The following KLHL1 variants were observed in gnomAD, a reference collection of about 807,000 sequenced individuals.
The protein encoded by KLHL1 is kelch like family member 1.
In KLHL1, 47 loss-of-function variants were observed where a neutral mutation model predicts 77.7. The ratio of observed to expected loss-of-function variants is 0.60; its 90% CI spans 0.48 to 0.77. The LOEUF is 0.77. Among genes scored for constraint, KLHL1 ranks in the 30% least tolerant of loss-of-function variants. The probability of loss-of-function intolerance (pLI) is 0.00; values close to 1 mark genes in which losing one functional copy is unlikely to be tolerated. For synonymous variants in KLHL1, 360 were observed against 325.2 expected, an observed-to-expected ratio of 1.11 and a Z score of -1.15; for missense variants, 925 against 910.8, an observed-to-expected ratio of 1.02 and a Z score of -0.20.
rs2137464648 is a variant in KLHL1, at chr13:70,108,375, G to GA, written c.-677dup. The GA allele has an allele frequency of 5.0e-6, 1 of 198,896 alleles. No homozygotes were observed. Among genetic ancestry groups the GA allele is most frequent in the East Asian group, 1.2e-4 (1 of 8,438 alleles). The allele number at this position is 198,896 out of a possible 1,614,324, so 12.3% of individuals were successfully genotyped here. ...TTTTATATAGTCAGTTTGTAAAAGA[G>GA]AAAAATAGATATTCTAGCGCATATA... On this transcript the variant is annotated 5_prime_UTR_variant, in exon 1 of 11. Transcript: ENST00000377844.
At chr13:69,847,772 A>G (rs1237590114) in intron 5 of KLHL1, among the ~76,000 whole-genome samples, 3 of 151,542 alleles carry the variant, frequency 2.0e-5, no homozygotes, top group Admixed American at 6.6e-5. Flanking sequence ...TCTATAAAAC[A>G]AAATTGATTC....
In KLHL1 at chr13:69,994,530, A is replaced by G. The variant is rs568909056; in HGVS notation, c.498-18728T>C. ...GGCTTACTCCTTCTATTTATGCCCAAAGGGAAAATCACAAGTTCTGCACTT... is the reference window on the plus strand; with the variant it reads ...GGCTTACTCCTTCTATTTATGCCCAGAGGGAAAATCACAAGTTCTGCACTT... On this transcript the variant is annotated intron_variant, in intron 1 of 10. Coordinates refer to ENST00000377844, the MANE Select transcript of KLHL1 (RefSeq NM_020866.3). Among the ~76,000 whole-genome samples the G allele has an allele frequency of 2.0e-5, 3 of 152,256 alleles. No individual in the cohort carries two copies. The South Asian group carries it at 6.2e-4, about 32-fold the overall frequency.
intron 5 of KLHL1, among the ~76,000 whole-genome samples, chr13:69,841,199 T>C (rs1472836655): frequency 6.6e-6 from 1 of 151,148 alleles, no homozygotes; most frequent in Non-Finnish European, 1.5e-5. Context: ...CAACATAGTA[T>C]TGGAAGTCTT....
chr13:69,816,427 A>AT (rs111470171), intron 6 of KLHL1, among the ~76,000 whole-genome samples: 1,477 of 147,192 alleles, frequency 0.01, 23 homozygotes, highest in African/African-American at 0.034. Flanking sequence ...CGCCTGGCTA[A>AT]TTTTTTTTTT....
chr13:69,926,782 C>T (rs151145059), intron 4 of KLHL1, among the ~76,000 whole-genome samples: 2,903 of 151,250 alleles, frequency 0.019, 39 homozygotes, highest in Middle Eastern at 0.054. Context: ...CCCGTCTCTA[C>T]TAAAAATACA....
At chr13:69,900,780 T>A (rs1881827159) in intron 4 of KLHL1, among the ~76,000 whole-genome samples, 1 of 152,218 alleles carries the variant, frequency 6.6e-6, no homozygotes, top group South Asian at 2.1e-4. Flanking sequence ...CAGCTCTACA[T>A]CACAGTAGTT....
At chr13:69,742,195 C>G (rs1026940073) in intron 7 of KLHL1, among the ~76,000 whole-genome samples, 2 of 152,116 alleles carry the variant, frequency 1.3e-5, no homozygotes, top group Non-Finnish European at 2.9e-5. Flanking sequence ...TAGAAAAGAA[C>G]TATAATTTAT....
intron 3 of KLHL1, among the ~76,000 whole-genome samples, chr13:69,940,829 T>G (rs1883343951): frequency 6.7e-6 from 1 of 150,102 alleles, no homozygotes; most frequent in Non-Finnish European, 1.5e-5. Context: ...CTTTAGTGCT[T>G]TAGTGTTTCC....
At chr13:70,102,317 T>C (rs537063104) in intron 1 of KLHL1, among the ~76,000 whole-genome samples, 1 of 152,176 alleles carries the variant, frequency 6.6e-6, no homozygotes, top group Non-Finnish European at 1.5e-5. Flanking sequence ...TTCTTTCCAT[T>C]TCTAGGTTAT....
At position 69,841,292 on chromosome 13, in the gene KLHL1, T is replaced by A. The variant is rs968138152; in HGVS notation, c.1228-2130A>T. On this transcript the variant is annotated intron_variant, in intron 5 of 10. Coordinates refer to ENST00000377844, the MANE Select transcript of KLHL1 (RefSeq NM_020866.3). ...AGTCAAGTTTCTCCTGTTTACTGAT[T>A]ATATAGTCTTATATCTAGAAAAACC... 2.0e-5 allele frequency among the ~76,000 whole-genome samples: 3 copies of A among 151,860 alleles called. No homozygotes were observed. In the East Asian group the frequency reaches 5.8e-4, roughly 29 times the overall value.
At chr13:69,843,791 G>T (rs1263868287) in intron 5 of KLHL1, among the ~76,000 whole-genome samples, 1 of 151,558 alleles carries the variant, frequency 6.6e-6, no homozygotes, top group African/African-American at 2.4e-5. Context: ...ATCAGAAAAG[G>T]CTTCCTGTGT....
intron 1 of KLHL1, among the ~76,000 whole-genome samples, chr13:70,003,369 T>C (rs1038210968): frequency 1.3e-5 from 2 of 151,720 alleles, no homozygotes; most frequent in African/African-American, 2.4e-5. Flanking sequence ...CTGATTCCTA[T>C]AGAGATGTGT....
intron 1 of KLHL1, among the ~76,000 whole-genome samples, chr13:70,059,294 G>T (rs1257823351): frequency 6.6e-6 from 1 of 151,884 alleles, no homozygotes; most frequent in African/African-American, 2.4e-5. Context: ...AAGTATCTAG[G>T]ATTACAGCAC....
intron 9 of KLHL1, 63 bp downstream of exon 9, chr13:69,719,306 G>A: frequency 7.1e-7 from 1 of 1,401,488 alleles, no homozygotes; most frequent in Non-Finnish European, 1.0e-6. Context: ...CCAATCACTT[G>A]AATCAGGCAT....
At chr13:70,071,885 T>G (rs1887146437) in intron 1 of KLHL1, among the ~76,000 whole-genome samples, 1 of 152,062 alleles carries the variant, frequency 6.6e-6, no homozygotes, top group Non-Finnish European at 1.5e-5. Flanking sequence ...AATAATCTAT[T>G]CTTCAGCCCC....
intron 9 of KLHL1, 83 bp downstream of exon 9, chr13:69,719,286 T>C (rs1200166482): frequency 8.4e-7 from 1 of 1,195,338 alleles, no homozygotes; most frequent in Admixed American, 1.9e-5. Context: ...TCCTAAATAA[T>C]GCAATTTTTC....
intron 8 of KLHL1, among the ~76,000 whole-genome samples, chr13:69,731,692 C>A (rs1214877815): frequency 6.6e-6 from 1 of 152,090 alleles, no homozygotes; most frequent in Non-Finnish European, 1.5e-5. Context: ...TTTGCTTTAG[C>A]TTTTTGTGAT....
intron 9 of KLHL1, among the ~76,000 whole-genome samples, chr13:69,709,146 GC>G (rs1875763561): frequency 6.6e-6 from 1 of 151,800 alleles, no homozygotes; most frequent in African/African-American, 2.4e-5. Flanking sequence ...AACACAGGCT[GC>G]CCAGCACATA....
chr13:69,957,763 T>A (rs1357221993), intron 3 of KLHL1, among the ~76,000 whole-genome samples: 1 of 151,786 alleles, frequency 6.6e-6, no homozygotes, highest in Non-Finnish European at 1.5e-5. Context: ...TACAAATGGC[T>A]AAGATCACAA....
Sources: allele counts gnomAD v4.1 joint callset (sites outside exome capture counted in the v4.1 genomes callset), GRCh38; gene constraint gnomAD v4.1.1; transcripts MANE v1.5; gene names NCBI Gene and HGNC (gene_info 2026-07-23, HGNC 2026-07-21).